Variants in HERC1 observed in about 807,000 individuals in gnomAD.
HERC1 encodes probable E3 ubiquitin-protein ligase HERC1.
In HERC1, 160 loss-of-function variants were observed where a neutral mutation model predicts 554.3. That is an observed-to-expected ratio of 0.29 (90% confidence interval 0.25 to 0.33). HERC1 has a LOEUF of 0.33. Ranked by LOEUF, HERC1 falls within the 10% of genes least tolerant of loss-of-function variation. The pLI is 1.00. For missense variants in HERC1, 4,919 were observed against 5,918.5 expected, an observed-to-expected ratio of 0.83 and a Z score of 5.54; for synonymous variants, 2,175 against 2,131.7, an observed-to-expected ratio of 1.02 and a Z score of -0.56.
chr15:63,706,813 C>A lies in HERC1; in HGVS notation c.4603G>T (p.Asp1535Tyr), dbSNP rs1432227682. The A allele has an allele frequency of 6.5e-7, 1 of 1,542,688 alleles. No individual in the cohort carries two copies. The highest frequency in any genetic ancestry group is 8.8e-7 in the Non-Finnish European group (1 of 1,140,398). ...GYALSGRRNV[D>Y]LDLAASHRKR... ...CTGTGAGATGCTGCCAAATCCAAATCAACATTTCGTCTGCCACTCTATTAA... is the reference window on the plus strand; with the variant it reads ...CTGTGAGATGCTGCCAAATCCAAATAAACATTTCGTCTGCCACTCTATTAA... Residue 1535 changes from aspartate to tyrosine, a missense_variant, in exon 25 of 78, where the codon GAT (aspartate) becomes TAT (tyrosine). By Grantham distance (160) the Asp-to-Tyr change is radical. Transcript: ENST00000443617.
intron 7 of HERC1, 118 bp downstream of exon 7, chr15:63,754,387 T>C (rs2075351326): frequency 4.9e-6 from 3 of 614,036 alleles, no homozygotes; most frequent in Admixed American, 4.0e-5. Context: ...AGTTCATTTT[T>C]TAATTTCTGC....
chr15:63,812,070 G>C (rs772697435), intron 1 of HERC1, among the ~76,000 whole-genome samples: 34 of 152,086 alleles, frequency 2.2e-4, no homozygotes, highest in Admixed American at 4.6e-4. Context: ...TGTAACTCTC[G>C]CTCAAAAATG....
intron 34 of HERC1, among the ~76,000 whole-genome samples, chr15:63,684,499 C>CA (rs1265960604): frequency 6.6e-6 from 1 of 152,080 alleles, no homozygotes; most frequent in African/African-American, 2.4e-5. Flanking sequence ...CTCTTGCATC[C>CA]AACCCTTCTG....
chr15:63,723,050 A>C (rs981661313), intron 19 of HERC1, 132 bp downstream of exon 19: 2 of 538,786 alleles, frequency 3.7e-6, no homozygotes, highest in African/African-American at 3.9e-5. Flanking sequence ...TTGTTTAAAA[A>C]TGTTAATAAA....
chr15:63,783,895 G>A (rs764792213), intron 1 of HERC1, among the ~76,000 whole-genome samples: 20 of 151,838 alleles, frequency 1.3e-4, no homozygotes, highest in Non-Finnish European at 2.2e-4. Context: ...GTGAAACCCC[G>A]TCTCTAATAA....
chr15:63,756,714 G>C lies in HERC1; in HGVS notation c.1256C>G (p.Ser419Cys). ...EAGQYCTFVISTDGSVRACGK... is the reference protein window; with the variant it reads ...EAGQYCTFVICTDGSVRACGK... ...GCAAGCTCTAACAGAGCCATCCGTAGAAATGACAAAAGTGCAGTACTGTCC... is the reference window on the plus strand; with the variant it reads ...GCAAGCTCTAACAGAGCCATCCGTACAAATGACAAAAGTGCAGTACTGTCC... The change falls in exon 5 of 78, where the codon TCT (serine) becomes TGT (cysteine). Residue 419 changes from serine to cysteine, a missense_variant. Physicochemically the swap from Ser to Cys is moderately radical, Grantham distance 112. Around this residue, in one of 11 missense-constraint regions of HERC1, gnomAD observed 744 missense variants for 1,090.0 expected, o/e 0.68. Coordinates refer to ENST00000443617, the MANE Select transcript of HERC1 (RefSeq NM_003922.4). This position sits in a 1 kb window ranked among gnomAD's most constrained non-coding sequence, Gnocchi z 5.0. The C allele has an allele frequency of 1.2e-6, 2 of 1,611,538 alleles. No individual in the cohort carries two copies. Among genetic ancestry groups the C allele is most frequent in the Non-Finnish European group, 1.7e-6 (2 of 1,178,992 alleles).
At chr15:63,817,824 G>A (rs929648716) in intron 1 of HERC1, among the ~76,000 whole-genome samples, 1 of 151,788 alleles carries the variant, frequency 6.6e-6, no homozygotes, top group Admixed American at 6.6e-5. Flanking sequence ...TTCAATATTG[G>A]GTACATGGGA....
chr15:63,666,329 A>G, intron 41 of HERC1, 27 bp downstream of exon 41: 1 of 1,513,484 alleles, frequency 6.6e-7, no homozygotes, highest in Non-Finnish European at 9.2e-7. Flanking sequence ...ATATCTGTAT[A>G]CACTGATATA....
In HERC1 at chr15:63,649,148, A is replaced by T. The variant is rs1323935133; in HGVS notation, c.10747+577T>A. On this transcript the variant is annotated intron_variant, in intron 54 of 77. Transcript: ENST00000443617. ...GGTGGGCGGATCACAAGGTGAGGAG[A>T]TCGAGACCATCCTGGCCAACATGGT... 3.9e-5 allele frequency among the ~76,000 whole-genome samples: 6 copies of T among 152,226 alleles called. No individual in the cohort carries two copies. In the East Asian group the frequency reaches 5.8e-4, roughly 15 times the overall value.
rs1198241664 is a variant in HERC1 at position 63,696,353 on chromosome 15, A to C, written c.4906-14T>G. 2 of 1,585,426 alleles carry C rather than the reference A, an allele frequency of 1.3e-6. No homozygotes were observed. Among genetic ancestry groups the C allele is most frequent in the South Asian group, 1.1e-5 (1 of 87,580 alleles). ...CTCTAAACGAAGCTTGAGGAAAAAA[A>C]CATATTTTAGAGTTCTTCACTTAAC... is the stretch of plus-strand genomic sequence containing the variant. On this transcript the variant is annotated splice_polypyrimidine_tract_variant and intron_variant, in intron 26 of 77. Coordinates refer to ENST00000443617, the MANE Select transcript of HERC1 (RefSeq NM_003922.4).
chr15:63,765,281 C>A (rs553217629), intron 2 of HERC1, among the ~76,000 whole-genome samples: 1 of 152,150 alleles, frequency 6.6e-6, no homozygotes, highest in Admixed American at 6.5e-5. Flanking sequence ...CTGCTTACCC[C>A]CTTTAAATAG....
rs773552729 is a variant in HERC1 at position 63,649,894 on chromosome 15, A to G, written c.10578T>C (p.His3526=). 1 of 1,610,526 alleles carries G rather than the reference A, an allele frequency of 6.2e-7. No homozygotes were observed. Among genetic ancestry groups the G allele is most frequent in the Non-Finnish European group, 8.5e-7 (1 of 1,178,254 alleles). Residue 3526 remains histidine, a synonymous_variant, in exon 54 of 78, where the codon CAT becomes CAC. Coordinates refer to ENST00000443617, the MANE Select transcript of HERC1 (RefSeq NM_003922.4). ...GGKGLVDIQP[H]WVSALAWPEE... ...CTGGCCAAGCCAGGGCAGATACCCA[A>G]TGAGGCTGAATATCTACTAATCCTT... is the stretch of plus-strand genomic sequence containing the variant.
Position 63,767,686 on chromosome 15 carries a change from G to C in HERC1, c.931-3495C>G, listed in dbSNP as rs567398436. ...GCACTCCAGCCTGGGAAACAAGAGC[G>C]AGGCTCCGTCTCAAAAACAAAACAA... On this transcript the variant is annotated intron_variant, in intron 2 of 77. Transcript: ENST00000443617. Among the ~76,000 whole-genome samples the C allele has an allele frequency of 2.0e-5, 3 of 152,070 alleles. No individual in the cohort carries two copies. The South Asian group carries it at 6.2e-4, about 32-fold the overall frequency.
chr15:63,622,887 A>G lies in HERC1; in HGVS notation c.13616T>C (p.Leu4539Pro). ...AAGAAGGTCAACAATACCAGTTTCA[A>G]GTTCCTGCAGAAGAAAGAAAAAAAT... ...DDTITEMCQE[L>P]ETGIVDLLIP... The change falls in exon 74 of 78, where the codon CTT becomes CCT. Residue 4539 changes from leucine (L) to proline (P), a missense_variant. Leu to Pro is a moderately conservative substitution (Grantham distance 98, BLOSUM62 -3). Coordinates refer to ENST00000443617, the MANE Select transcript of HERC1 (RefSeq NM_003922.4). 6.3e-7 allele frequency: 1 copy of G among 1,594,174 alleles called. No individual in the cohort carries two copies. The highest frequency in any genetic ancestry group is 8.5e-7 in the Non-Finnish European group (1 of 1,172,434).
Position 63,764,092 on chromosome 15 carries a change from G to A in HERC1, c.1026+4C>T, listed in dbSNP as rs150326607. Reference sequence around the variant, plus strand: ...TTAATACAAAAGCCACGATTATTACGTACCTCTTCAAAGAGACATAATGCT... The same window carrying A: ...TTAATACAAAAGCCACGATTATTACATACCTCTTCAAAGAGACATAATGCT... On this transcript the variant is annotated splice_donor_region_variant and intron_variant, in intron 3 of 77. Coordinates refer to ENST00000443617, the MANE Select transcript of HERC1 (RefSeq NM_003922.4). The A allele has an allele frequency of 5.0e-6, 8 of 1,591,220 alleles. No homozygotes were observed. The highest frequency in any genetic ancestry group is 3.4e-5 in the South Asian group (3 of 88,516).
In HERC1 at chr15:63,756,556, C is replaced by T. The variant is rs373607540; in HGVS notation, c.1414G>A (p.Ala472Thr). 1.2e-5 allele frequency: 19 copies of T among 1,613,798 alleles called. No individual in the cohort carries two copies. The highest frequency in any genetic ancestry group is 1.5e-5 in the Non-Finnish European group (18 of 1,179,820). ...SSKGSDGHTL[A>T]FTTEGEVFSW... Reference sequence around the variant, plus strand: ...AAGACTTCTCCTTCTGTCGTAAAGGCTAAAGTGTGACCATCAGATCCTTTA... The same window carrying T: ...AAGACTTCTCCTTCTGTCGTAAAGGTTAAAGTGTGACCATCAGATCCTTTA... The change falls in exon 5 of 78, where the codon GCC becomes ACC. Residue 472 changes from alanine (A) to threonine (T), a missense_variant. Around this residue, in one of 11 missense-constraint regions of HERC1, gnomAD observed 744 missense variants for 1,090.0 expected, o/e 0.68. Transcript: ENST00000443617. The surrounding 1 kb of genome is among the most constrained non-coding windows in gnomAD (Gnocchi z 5.0).
At chr15:63,645,442 A>G in intron 56 of HERC1, 41 bp downstream of exon 56, 1 of 1,444,812 alleles carries the variant, frequency 6.9e-7, no homozygotes, top group Non-Finnish European at 9.5e-7. Context: ...GTCTATACCA[A>G]TATAAAAACT....
rs1567041907 is a variant in HERC1 at position 63,712,805 on chromosome 15, C to A, written c.4554G>T (p.Gln1518His). Reference protein sequence around the residue: ...IKSRSESDLSQPESDEEGYAL... With the variant: ...IKSRSESDLSHPESDEEGYAL... ...CGTAACCCTCTTCATCTGATTCAGG[C>A]TGAGACAAATCAGATTCACTCCTCG... The change falls in exon 24 of 78, where the codon CAG becomes CAT. Residue 1518 changes from glutamine (Q) to histidine (H), a missense_variant. Physicochemically the swap from Gln to His is conservative, Grantham distance 24 (BLOSUM62 0). Transcript: ENST00000443617. The A allele has an allele frequency of 6.2e-7, 1 of 1,613,752 alleles. No homozygotes were observed. The highest frequency in any genetic ancestry group is 1.7e-5 in the Admixed American group (1 of 60,028).
intron 46 of HERC1, among the ~76,000 whole-genome samples, 190 bp downstream of exon 46, chr15:63,660,783 T>C (rs1415021993): frequency 6.6e-6 from 1 of 152,262 alleles, no homozygotes; most frequent in Non-Finnish European, 1.5e-5. Flanking sequence ...GAAACCACGT[T>C]CTTTTCCTTT....
Sources: allele counts gnomAD v4.1 joint callset (sites outside exome capture counted in the v4.1 genomes callset), GRCh38; gene constraint gnomAD v4.1.1; regional missense constraint gnomAD v4.1.1; non-coding constraint Gnocchi (gnomAD v3.1); transcripts MANE v1.5; gene names NCBI Gene and HGNC (gene_info 2026-07-23, HGNC 2026-07-21).